CHST15: variants seen among roughly 807,000 people sequenced by gnomAD.
CHST15 encodes B cell RAG associated protein (GALNAC4S-6ST).
CHST15 carries 30 observed loss-of-function variants against 53.6 expected under a neutral mutation model. That is an observed-to-expected ratio of 0.56 (90% CI 0.42 to 0.76). The LOEUF (loss-of-function observed/expected upper bound fraction) is 0.76, where lower values mean the gene tolerates loss of function less well. Ranked by LOEUF, CHST15 falls within the 30% of genes least tolerant of loss-of-function variation. The pLI, the probability that CHST15 is intolerant of heterozygous loss-of-function variation, is 0.00. For synonymous variants in CHST15, 296 were observed against 289.8 expected (o/e 1.02, Z -0.22); for missense variants, 627 against 740.5 (o/e 0.85, Z 1.78).
Position 124,028,872 on chromosome 10 carries a change from C to G in CHST15, c.1191-7460G>C, listed in dbSNP as rs533048485. On this transcript the variant is annotated intron_variant, in intron 5 of 7. Coordinates refer to ENST00000435907, the MANE Select transcript of CHST15 (RefSeq NM_001270764.2). ...CCTGGGCTGGCTCACCCCGGTGACG[C>G]TGGCCCCACCTCCCCGTGCTCCTCA... Among the ~76,000 whole-genome samples, 16 of 152,290 alleles carry G rather than the reference C, an allele frequency of 1.1e-4. No individual in the cohort carries two copies. The East Asian group carries it at 3.1e-3, about 29-fold the overall frequency.
intron 3 of CHST15, 35 bp from the exon 4 acceptor site, chr10:124,042,482 A>T (rs1947779754): frequency 1.9e-6 from 3 of 1,606,600 alleles, no homozygotes; most frequent in Non-Finnish European, 2.6e-6. Flanking sequence ...TACTGAGGAC[A>T]AAGTTGCTAC....
intron 6 of CHST15, chr10:124,020,966 G>C: frequency 7.2e-7 from 1 of 1,392,834 alleles, no homozygotes; most frequent in Non-Finnish European, 9.3e-7. Context: ...TCTAATTGCT[G>C]GGTGTCTTGC....
chr10:124,020,699 C>T (rs1356523756), intron 6 of CHST15: 1 of 998,096 alleles, frequency 1.0e-6, no homozygotes, highest in Non-Finnish European at 1.2e-6. Flanking sequence ...GGAAAACTAT[C>T]CCGGGGCTAA....
rs1409976777 is a variant in CHST15, at chr10:124,074,244, G to A, written c.-513+19225C>T. Among the ~76,000 whole-genome samples the A allele has an allele frequency of 6.6e-6, 1 of 152,152 alleles. No homozygotes were observed. Among genetic ancestry groups the A allele is most frequent in the African/African-American group, 2.4e-5 (1 of 41,436 alleles). ...CGGCTGGGAAAGACACCGAACCCTT[G>A]CACTGATGCCATTAGACAGTTTCTA... On this transcript the variant is annotated intron_variant, in intron 1 of 7. Transcript: ENST00000435907. The surrounding 1 kb of genome is among the most constrained non-coding windows in gnomAD (Gnocchi z 4.4).
chr10:124,025,482 CGAACCCCACT>C (rs1044403104), intron 5 of CHST15, among the ~76,000 whole-genome samples: 5 of 152,182 alleles, frequency 3.3e-5, no homozygotes, highest in African/African-American at 7.2e-5. Flanking sequence ...GGGAGCCCCT[CGAACCCCACT>C]GCGAGAAACT....
intron 3 of CHST15, among the ~76,000 whole-genome samples, chr10:124,043,955 G>A (rs975018559): frequency 3.5e-5 from 5 of 143,934 alleles, no homozygotes; most frequent in Middle Eastern, 3.6e-3. Flanking sequence ...ACAGCACAGA[G>A]CAGGGAGCAG....
Position 124,044,831 on chromosome 10 carries a change from G to T in CHST15, c.635C>A (p.Pro212His). The T allele has an allele frequency of 6.4e-7, 1 of 1,562,844 alleles. No individual in the cohort carries two copies. Among genetic ancestry groups the T allele is most frequent in the Non-Finnish European group, 8.7e-7 (1 of 1,151,552 alleles). The stretch of plus-strand genomic sequence containing the variant: ...GAGCACGTAGGAGTTGGTGAGGTAG[G>T]GGTCGGTGGTGTTCTGCCCCGAGAA... Reference protein sequence around the residue: ...EEFSGQNTTDPYLTNSYVLYS... With the variant: ...EEFSGQNTTDHYLTNSYVLYS... Residue 212 changes from proline to histidine, a missense_variant, in exon 3 of 8, where the codon CCC becomes CAC. Pro to His is a moderately conservative substitution (Grantham distance 77, BLOSUM62 -2). Around this residue, in one of 3 missense-constraint regions of CHST15, gnomAD observed 161 missense variants for 117.2 expected, o/e 1.37. Coordinates refer to ENST00000435907, the MANE Select transcript of CHST15 (RefSeq NM_001270764.2).
At chr10:124,059,110 A>G (rs1948475882) in intron 1 of CHST15, among the ~76,000 whole-genome samples, 1 of 152,244 alleles carries the variant, frequency 6.6e-6, no homozygotes, top group Non-Finnish European at 1.5e-5. Context: ...TTAACCAGCC[A>G]CATGACAGTA....
chr10:124,043,244 T>G (rs866313708), intron 3 of CHST15, among the ~76,000 whole-genome samples: 3 of 152,318 alleles, frequency 2.0e-5, no homozygotes, highest in Middle Eastern at 3.4e-3. Flanking sequence ...CCTCCTTTCC[T>G]GCCGGTAGAA....
chr10:124,034,947 C>T (rs1947396823), intron 5 of CHST15, among the ~76,000 whole-genome samples: 2 of 147,406 alleles, frequency 1.4e-5, no homozygotes, highest in East Asian at 2.1e-4. Context: ...TGGCTCCACC[C>T]CTAACAGGGA....
intron 1 of CHST15, among the ~76,000 whole-genome samples, chr10:124,091,665 C>T (rs1949603001): frequency 6.6e-6 from 1 of 152,278 alleles, no homozygotes; most frequent in African/African-American, 2.4e-5. Flanking sequence ...ACTTCATTCC[C>T]GAGAACTCGG....
chr10:124,044,577 C>T lies in CHST15; in HGVS notation c.886+3G>A, dbSNP rs2133998287. On this transcript the variant is annotated splice_donor_region_variant and intron_variant, in intron 3 of 7. Coordinates refer to ENST00000435907, the MANE Select transcript of CHST15 (RefSeq NM_001270764.2). ...GACAGGAGCCCTGGGACCCAGCACT[C>T]ACCAAAGCGCTTCCGGGTCCACCAG... The T allele has an allele frequency of 6.6e-7, 1 of 1,516,632 alleles. No homozygotes were observed. The highest frequency in any genetic ancestry group is 2.4e-5 in the East Asian group (1 of 41,220). 93.9% of individuals were successfully genotyped at this position (1,516,632 alleles called of 1,614,324 possible).
At chr10:124,043,152 G>A (rs1476803403) in intron 3 of CHST15, among the ~76,000 whole-genome samples, 3 of 152,204 alleles carry the variant, frequency 2.0e-5, no homozygotes, top group Non-Finnish European at 4.4e-5. Flanking sequence ...ATGGAAATTG[G>A]AAAGAGAACA....
chr10:124,046,917 G>A (rs534915196), intron 1 of CHST15, among the ~76,000 whole-genome samples, 193 bp from the exon 2 acceptor site: 32 of 152,282 alleles, frequency 2.1e-4, no homozygotes, highest in African/African-American at 7.2e-4. Context: ...GCTGGCTTTG[G>A]GGCTCAATTT....
chr10:124,012,301 T>G, intron 7 of CHST15, 32 bp downstream of exon 7: 1 of 1,598,122 alleles, frequency 6.3e-7, no homozygotes, highest in Non-Finnish European at 8.6e-7. Flanking sequence ...AGCTCATGCT[T>G]TGGCCCGTCA....
intron 7 of CHST15, chr10:124,011,715 GC>G: frequency 1.0e-6 from 1 of 985,416 alleles, no homozygotes; most frequent in Non-Finnish European, 1.2e-6. Context: ...CCCTGGGGGG[GC>G]TGGTATCCAC....
Position 124,046,076 on chromosome 10 carries a change from C to A in CHST15, c.137G>T (p.Arg46Leu), listed in dbSNP as rs201960331. Residue 46 changes from arginine (R) to leucine (L), a missense_variant, in exon 2 of 8, where the codon CGT becomes CTT. By Grantham distance (102) the Arg-to-Leu change is moderately radical (BLOSUM62 -2). This residue lies in a region of CHST15 where 187 missense variants were observed against 251.8 expected (regional missense o/e 0.74). Transcript: ENST00000435907. Reference sequence around the variant, plus strand: ...CAAGTTCATCTGCTTACTGTCCACACGAAACAGAATTTTGTTTTCTCCTTT... The same window carrying A: ...CAAGTTCATCTGCTTACTGTCCACAAGAAACAGAATTTTGTTTTCTCCTTT... Reference protein sequence around the residue: ...TCKGENKILFRVDSKQMNLLA... With the variant: ...TCKGENKILFLVDSKQMNLLA... The A allele has an allele frequency of 6.2e-7, 1 of 1,614,100 alleles. No individual in the cohort carries two copies. Among genetic ancestry groups the A allele is most frequent in the Admixed American group, 1.7e-5 (1 of 60,010 alleles).
chr10:124,045,130 A>ACAAAAC lies in CHST15; in HGVS notation c.547-212_547-211insGTTTTG, dbSNP rs1554911449. On this transcript the variant is annotated intron_variant, in intron 2 of 7. Coordinates refer to ENST00000435907, the MANE Select transcript of CHST15 (RefSeq NM_001270764.2). ...CGCCCCACAAAAAAAAAAAAAAAAA[A>ACAAAAC]AAAAAAAAAAAAAACTTGGAGAGAA... is the stretch of plus-strand genomic sequence containing the variant. Among the ~76,000 whole-genome samples, 30 of 149,014 alleles carry ACAAAAC rather than the reference A, an allele frequency of 2.0e-4. 2 individuals are homozygous for ACAAAAC. In the South Asian group the frequency reaches 5.9e-3, roughly 29 times the overall value.
At chr10:124,038,407 G>A (rs968250176) in intron 5 of CHST15, 108 bp downstream of exon 5, 7 of 1,342,356 alleles carry the variant, frequency 5.2e-6, no homozygotes, top group Non-Finnish European at 7.3e-6. Flanking sequence ...TACCCGACCT[G>A]TTTAATTTTT....
Sources: allele counts gnomAD v4.1 joint callset (sites outside exome capture counted in the v4.1 genomes callset), GRCh38; gene constraint gnomAD v4.1.1; regional missense constraint gnomAD v4.1.1; non-coding constraint Gnocchi (gnomAD v3.1); transcripts MANE v1.5; gene names NCBI Gene and HGNC (gene_info 2026-07-23, HGNC 2026-07-21).